Variants in ERI1 observed in about 807,000 individuals in gnomAD.
ERI1 encodes 3'-5' exoribonuclease 1.
Under a neutral mutation model 39.7 loss-of-function variants are expected in ERI1, and 39 were observed. The observed-to-expected ratio is 0.98, with a 90% confidence interval of 0.76 to 1.28. The LOEUF (loss-of-function observed/expected upper bound fraction) is 1.28. Ranked by LOEUF, ERI1 falls within the 50% of genes most tolerant of loss-of-function variation. ERI1 has a pLI of 0.00. For missense variants in ERI1, 581 were observed against 416.9 expected (o/e 1.39, Z -3.43); for synonymous variants, 204 against 149.6 (o/e 1.36, Z -2.65).
chr8:9,074,179 C>T (rs892580044), intron 3 of ERI1, among the ~76,000 whole-genome samples: 5 of 151,834 alleles, frequency 3.3e-5, no homozygotes, highest in African/African-American at 7.3e-5. Flanking sequence ...GGTGCAATCT[C>T]GGCTCACTGC....
intron 3 of ERI1, among the ~76,000 whole-genome samples, chr8:9,061,336 C>G (rs566314800): frequency 1.1e-4 from 16 of 152,026 alleles, no homozygotes; most frequent in Non-Finnish European, 1.0e-4. Context: ...AAGTCCGGGC[C>G]AGGAACAATG....
intron 3 of ERI1, among the ~76,000 whole-genome samples, chr8:9,076,404 C>G (rs192484377): frequency 2.0e-4 from 31 of 152,268 alleles, no homozygotes; most frequent in Admixed American, 5.9e-4. Flanking sequence ...ATCTGTAAGT[C>G]AAAGCAAACC....
intron 3 of ERI1, among the ~76,000 whole-genome samples, chr8:9,065,620 G>T (rs376240932): frequency 1.3e-5 from 2 of 149,976 alleles, no homozygotes; most frequent in African/African-American, 4.9e-5. Context: ...GCATGAACCC[G>T]GGAGGCGGAG....
In ERI1 at chr8:9,013,878, A is replaced by G. The variant is rs148946169; in HGVS notation, c.498+2126A>G. Among the ~76,000 whole-genome samples the G allele has an allele frequency of 1.2e-4, 19 of 152,086 alleles. No homozygotes were observed. In the East Asian group the frequency reaches 3.7e-3, roughly 29 times the overall value. On this transcript the variant is annotated intron_variant, in intron 3 of 6. Coordinates refer to ENST00000250263, the MANE Select transcript of ERI1 (RefSeq NM_153332.4). Reference sequence around the variant, plus strand: ...GCTCTGCCTTCAAAATATATCCAGAACCCAGTCACTTAACTGAACTGCTGT... The same window carrying G: ...GCTCTGCCTTCAAAATATATCCAGAGCCCAGTCACTTAACTGAACTGCTGT...
At chr8:9,029,402 C>T (rs945540128) in intron 6 of ERI1, among the ~76,000 whole-genome samples, 6 of 152,144 alleles carry the variant, frequency 3.9e-5, no homozygotes, top group Non-Finnish European at 7.3e-5. Flanking sequence ...GATCTCAGCT[C>T]GCTGCAGCCT....
At chr8:9,026,427 C>T (rs572850185) in intron 6 of ERI1, among the ~76,000 whole-genome samples, 7 of 152,168 alleles carry the variant, frequency 4.6e-5, no homozygotes, top group Non-Finnish European at 1.0e-4. Context: ...CATCATTCTT[C>T]TGTCTCTATC....
chr8:9,002,952 G>C lies in ERI1; in HGVS notation c.-112G>C, dbSNP rs1403638278. On this transcript the variant is annotated 5_prime_UTR_variant, in exon 1 of 7. Transcript: ENST00000250263. ...GGAGTTTGTGTGGCCGCCGCCGCGG[G>C]AACGCGAGCCCGGTAATTTTTCAAC... 1.3e-6 allele frequency: 1 copy of C among 783,470 alleles called. No homozygotes were observed. The highest frequency in any genetic ancestry group is 4.3e-5 in the Admixed American group (1 of 23,032). The allele number at this position is 783,470 out of a possible 1,614,324, so 48.5% of individuals were successfully genotyped here.
chr8:9,072,707 C>A (rs1321781705), intron 3 of ERI1, among the ~76,000 whole-genome samples: 1 of 152,054 alleles, frequency 6.6e-6, no homozygotes, highest in African/African-American at 2.4e-5. Flanking sequence ...TATTTTTGAT[C>A]AATTCTTCAC....
chr8:9,070,802 A>G (rs1393028690), intron 3 of ERI1, among the ~76,000 whole-genome samples: 1 of 152,256 alleles, frequency 6.6e-6, no homozygotes. Flanking sequence ...CTAAAGCTCC[A>G]TGAACCACGT....
intron 3 of ERI1, among the ~76,000 whole-genome samples, chr8:9,058,081 A>ATT (rs1188109978): frequency 6.6e-6 from 1 of 152,214 alleles, no homozygotes; most frequent in East Asian, 1.9e-4. Context: ...CCGTTTGAAA[A>ATT]GAGTAGCTGT....
downstream of ERI1, among the ~76,000 whole-genome samples, chr8:9,034,836 A>G (rs575691683): frequency 2.0e-5 from 3 of 152,372 alleles, no homozygotes; most frequent in African/African-American, 7.2e-5. Context: ...CCAAATTAGC[A>G]AAGTTGTAAA....
chr8:9,004,107 AAAG>A, intron 1 of ERI1: 2 of 1,289,202 alleles, frequency 1.6e-6, no homozygotes, highest in South Asian at 2.5e-5. Flanking sequence ...TTGACATTGG[AAAG>A]AAGGTCTCGT....
intron 4 of ERI1, among the ~76,000 whole-genome samples, chr8:9,016,906 C>G (rs189055280): frequency 1.1e-4 from 17 of 152,096 alleles, no homozygotes; most frequent in Admixed American, 2.0e-4. Flanking sequence ...AGGCTGGTCT[C>G]GAACACCTAA....
Position 9,032,439 on chromosome 8 carries a change from A to G in ERI1, c.*2405A>G, listed in dbSNP as rs1378424382. 6.6e-6 allele frequency: 1 copy of G among 152,044 alleles called. No homozygotes were observed. The highest frequency in any genetic ancestry group is 1.5e-5 in the Non-Finnish European group (1 of 68,014). 9.4% of individuals were successfully genotyped at this position (152,044 alleles called of 1,614,324 possible). A position where few individuals can be genotyped will look rare whatever the true frequency, so the allele number is the denominator to read the frequency against. ...AGTATATAATAGAGCATTACATTTT[A>G]TCTTTATTTGTGTTCTGTTGGATCA... is the stretch of plus-strand genomic sequence containing the variant. On this transcript the variant is annotated 3_prime_UTR_variant, in exon 7 of 7. Transcript: ENST00000250263.
At chr8:9,058,920 G>A (rs3989374) in intron 3 of ERI1, among the ~76,000 whole-genome samples, 7 of 151,974 alleles carry the variant, frequency 4.6e-5, no homozygotes, top group African/African-American at 1.2e-4. Flanking sequence ...ACTTTCATGC[G>A]CGTCCGTGTG....
intron 3 of ERI1, among the ~76,000 whole-genome samples, chr8:9,042,349 C>G (rs1798052538): frequency 6.6e-6 from 1 of 152,166 alleles, no homozygotes; most frequent in African/African-American, 2.4e-5. Flanking sequence ...GCCCTGATCT[C>G]TCTTTTGAGA....
intron 3 of ERI1, among the ~76,000 whole-genome samples, chr8:9,075,030 C>T (rs943887679): frequency 3.3e-5 from 5 of 152,204 alleles, no homozygotes; most frequent in South Asian, 2.1e-4. Context: ...TATTCCTTTC[C>T]TGAATCGTAT....
chr8:9,015,681 C>T (rs1817164851), intron 3 of ERI1, among the ~76,000 whole-genome samples: 1 of 129,030 alleles, frequency 7.8e-6, no homozygotes, highest in Non-Finnish European at 1.5e-5. Flanking sequence ...GAGATTGTGG[C>T]AGTGCACTCC....
intron 3 of ERI1, among the ~76,000 whole-genome samples, chr8:9,071,057 A>G (rs1008590619): frequency 1.3e-5 from 2 of 152,182 alleles, no homozygotes; most frequent in African/African-American, 4.8e-5. Context: ...GTTGATTTCC[A>G]GTTTCCCAAA....
Sources: gnomAD v4.1 joint callset for allele counts (sites outside exome capture counted in the v4.1 genomes callset) on GRCh38, gnomAD v4.1.1 for gene constraint, MANE v1.5 for transcripts, NCBI Gene and HGNC (gene_info 2026-07-23, HGNC 2026-07-21) for gene names.